MYRFL: variants seen among roughly 807,000 people sequenced by gnomAD.
MYRFL encodes myelin regulatory factor like, also known as myelin regulatory factor-like protein.
Under a neutral mutation model 109.4 loss-of-function variants are expected in MYRFL, and 88 were observed. That is an observed-to-expected ratio of 0.80 (90% CI 0.68 to 0.96). MYRFL has a LOEUF of 0.96. Ranked by LOEUF, MYRFL falls within the 40% of genes least tolerant of loss-of-function variation. The pLI is 0.00. For synonymous variants in MYRFL, 324 were observed against 320.9 expected, an observed-to-expected ratio of 1.01 and a Z score of -0.10; for missense variants, 957 against 954.9, an observed-to-expected ratio of 1.00 and a Z score of -0.03.
intron 1 of MYRFL, among the ~76,000 whole-genome samples, chr12:69,828,406 T>C (rs1882419109): frequency 6.6e-6 from 1 of 152,162 alleles, no homozygotes; most frequent in Admixed American, 6.6e-5. Flanking sequence ...GAATTCTCCT[T>C]TGAAACGGTT....
intron 11 of MYRFL, among the ~76,000 whole-genome samples, chr12:69,908,480 A>G (rs917331117): frequency 6.6e-6 from 1 of 152,178 alleles, no homozygotes; most frequent in South Asian, 2.1e-4. Flanking sequence ...GTCTGGGAAA[A>G]CAGCATGAAC....
At position 69,934,984 on chromosome 12, in the gene MYRFL, C is replaced by T. The variant is rs145592146; in HGVS notation, c.1917-1129C>T. On this transcript the variant is annotated intron_variant, in intron 16 of 24. Transcript: ENST00000552032. Reference sequence around the variant, plus strand: ...AGGTGGGGTTTCACTGGGGACCCAACCCTGTTTGGCTAGGATTTCTCTGCC... The same window carrying T: ...AGGTGGGGTTTCACTGGGGACCCAATCCTGTTTGGCTAGGATTTCTCTGCC... Among the ~76,000 whole-genome samples, 74 of 152,224 alleles carry T rather than the reference C, an allele frequency of 4.9e-4. No individual in the cohort carries two copies. In the East Asian group the frequency reaches 0.013, roughly 27 times the overall value.
intron 2 of MYRFL, among the ~76,000 whole-genome samples, chr12:69,872,773 A>G (rs554607023): frequency 1.3e-5 from 2 of 152,086 alleles, no homozygotes; most frequent in African/African-American, 4.8e-5. Context: ...TGCTGGGATT[A>G]CGGGTGTGAG....
At chr12:69,896,234 G>A (rs11177942) in intron 9 of MYRFL, among the ~76,000 whole-genome samples, 48,330 of 151,972 alleles carry the variant, frequency 0.32, 7,962 homozygotes, top group African/African-American at 0.37. Context: ...CTACTCCAAT[G>A]AAGTTGTTTT....
chr12:69,938,845 G>A lies in MYRFL; in HGVS notation c.2224+2213G>A, dbSNP rs535055545. 3.1e-3 allele frequency among the ~76,000 whole-genome samples: 473 copies of A among 152,186 alleles called. 7 individuals carry two copies. The highest frequency in any genetic ancestry group is 0.01 in the African/African-American group (424 of 41,532). ...AGGTCAGTGGGTGCGCGCACCGTGC[G>A]CGAGCCGAAGCAGGGCGAGGCATTG... On this transcript the variant is annotated intron_variant, in intron 19 of 24. Transcript: ENST00000552032.
intron 16 of MYRFL, among the ~76,000 whole-genome samples, chr12:69,935,308 G>A (rs564364418): frequency 6.6e-6 from 1 of 152,090 alleles, no homozygotes; most frequent in East Asian, 1.9e-4. Flanking sequence ...GTCAAGTCAG[G>A]TAACTCTTTC....
In MYRFL at chr12:69,926,685, A is replaced by G. The variant is rs1281331636; in HGVS notation, c.1717A>G (p.Lys573Glu). ...ATGGAACAGAAAGCTGGCCCGGCTA[A>G]AGCGGCTCAGTAGTTGGAAGTCATC... ...EIWNRKLARL[K>E]RLSSWKSSAS... The change falls in exon 14 of 25, where the codon AAG becomes GAG. Residue 573 changes from lysine to glutamate, a missense_variant. Physicochemically the swap from Lys to Glu is moderately conservative, Grantham distance 56. Transcript: ENST00000552032. The G allele has an allele frequency of 6.6e-7, 1 of 1,522,700 alleles. No individual in the cohort carries two copies. Among genetic ancestry groups the G allele is most frequent in the Non-Finnish European group, 8.8e-7 (1 of 1,139,026 alleles). The allele number at this position is 1,522,700 out of a possible 1,614,324, so 94.3% of individuals were successfully genotyped here. A position where few individuals can be genotyped will look rare whatever the true frequency, so the allele number is the denominator to read the frequency against.
At chr12:69,944,743 G>T (rs1259162107) in intron 19 of MYRFL, among the ~76,000 whole-genome samples, 1 of 152,148 alleles carries the variant, frequency 6.6e-6, no homozygotes, top group Non-Finnish European at 1.5e-5. Flanking sequence ...CCTTGGGCTA[G>T]GGGAGGGATA....
rs372898781 is a variant in MYRFL at position 69,939,689 on chromosome 12, C to T, written c.2224+3057C>T. On this transcript the variant is annotated intron_variant, in intron 19 of 24. Coordinates refer to ENST00000552032, the MANE Select transcript of MYRFL (RefSeq NM_182530.3). ...TCACCAGCAACGGAACAAAGCTGGA[C>T]GGAGAATGACTTTGACGAGCTGAGA... Among the ~76,000 whole-genome samples, 450 of 152,240 alleles carry T rather than the reference C, an allele frequency of 3.0e-3. 4 individuals are homozygous for T. Among genetic ancestry groups the T allele is most frequent in the African/African-American group, 9.0e-3 (372 of 41,526 alleles).
At chr12:69,954,643 T>C (rs561352863) in intron 21 of MYRFL, among the ~76,000 whole-genome samples, 112 of 152,366 alleles carry the variant, frequency 7.4e-4, no homozygotes, top group African/African-American at 2.5e-3. Flanking sequence ...AATAACTGAC[T>C]CTTTTTCCCA....
chr12:69,862,357 A>G (rs1274428717), intron 2 of MYRFL, among the ~76,000 whole-genome samples: 5 of 152,054 alleles, frequency 3.3e-5, no homozygotes, highest in South Asian at 2.1e-4. Flanking sequence ...CCATTTTCAC[A>G]ATATTGATTC....
intron 1 of MYRFL, among the ~76,000 whole-genome samples, chr12:69,850,093 T>C (rs2136320062): frequency 6.6e-6 from 1 of 152,312 alleles, no homozygotes; most frequent in East Asian, 1.9e-4. Context: ...ACCTCATGAT[T>C]TTAAAAATGG....
chr12:69,897,090 ATTTG>A, intron 9 of MYRFL, 62 bp from the exon 10 acceptor site: 1 of 1,067,916 alleles, frequency 9.4e-7, no homozygotes. Context: ...GTTGGGTGGT[ATTTG>A]TTTGTACAAA....
At chr12:69,928,335 G>A (rs905746685) in intron 15 of MYRFL, among the ~76,000 whole-genome samples, 1 of 152,180 alleles carries the variant, frequency 6.6e-6, no homozygotes, top group Non-Finnish European at 1.5e-5. Context: ...TATCAGTAAG[G>A]AAGAAGCTGC....
At position 69,903,728 on chromosome 12, in the gene MYRFL, C is replaced by T. The variant is rs1008650109; in HGVS notation, c.1267C>T (p.Arg423Ter). Residue 423 changes from arginine (R) to a stop codon, truncating the protein, a stop_gained, in exon 11 of 25, where the codon CGA becomes TGA. Transcript: ENST00000552032. LOFTEE classifies it high-confidence loss of function. ...TCCAGAATCTATTGTCTGTCACGGTCGAGTAGGAATCAACACAGATGCGCC... is the reference window on the plus strand; with the variant it reads ...TCCAGAATCTATTGTCTGTCACGGTTGAGTAGGAATCAACACAGATGCGCC... ...QVPESIVCHG[R>*]VGINTDAPDE... 8 of 1,535,784 alleles carry T rather than the reference C, an allele frequency of 5.2e-6. No homozygotes were observed. Among genetic ancestry groups the T allele is most frequent in the East Asian group, 2.4e-5 (1 of 40,918 alleles).
chr12:69,958,254 T>C lies in MYRFL; in HGVS notation c.2577T>C (p.Tyr859=). 6.5e-7 allele frequency: 1 copy of C among 1,535,932 alleles called. No individual in the cohort carries two copies. The highest frequency in any genetic ancestry group is 8.7e-7 in the Non-Finnish European group (1 of 1,146,546). ...CTCTTTTATTCACTATTTAGGGATA[T>C]CAGCACATTTGGAGCCTCCCTGTAG... ...REISQEMTQG[Y]QHIWSLPVAP... Residue 859 remains tyrosine, a synonymous_variant, in exon 24 of 25, where the codon TAT becomes TAC. Coordinates refer to ENST00000552032, the MANE Select transcript of MYRFL (RefSeq NM_182530.3).
At chr12:69,939,675 G>A (rs866615149) in intron 19 of MYRFL, among the ~76,000 whole-genome samples, 5,256 of 152,168 alleles carry the variant, frequency 0.035, 308 homozygotes, top group African/African-American at 0.12. Context: ...CACCAGCAAC[G>A]GAACAAAGCT....
intron 7 of MYRFL, among the ~76,000 whole-genome samples, chr12:69,891,697 C>CA (rs1334544504): frequency 2.2e-5 from 3 of 139,202 alleles, no homozygotes; most frequent in African/African-American, 8.2e-5. Context: ...TTCGTTCGTT[C>CA]TTTCTTTCTT....
chr12:69,863,083 C>A (rs1364220584), intron 2 of MYRFL, among the ~76,000 whole-genome samples: 2 of 151,934 alleles, frequency 1.3e-5, no homozygotes, highest in Admixed American at 6.6e-5. Flanking sequence ...ACCAGCCTTG[C>A]ATCCCAGGGA....
Sources: allele counts gnomAD v4.1 joint callset (sites outside exome capture counted in the v4.1 genomes callset), GRCh38; gene constraint gnomAD v4.1.1; transcripts MANE v1.5; gene names NCBI Gene and HGNC (gene_info 2026-07-23, HGNC 2026-07-21).